The following RUSC2 variants were observed in gnomAD, a reference collection of about 807,000 sequenced individuals.
The protein encoded by RUSC2 is RUN and SH3 domain containing 2.
A neutral mutation model predicts 122.2 loss-of-function variants in RUSC2; 34 were observed. The ratio of observed to expected loss-of-function variants is 0.28; its 90% CI spans 0.21 to 0.37. The LOEUF is 0.37. Ranked by LOEUF, RUSC2 falls within the 10% of genes least tolerant of loss-of-function variation. RUSC2 has a pLI of 1.00. For missense variants in RUSC2, 1,747 were observed against 1,952.4 expected (o/e 0.89, Z 1.98); for synonymous variants, 784 against 790.0 (o/e 0.99, Z 0.13).
chr9:35,533,099 T>C (rs1008548226), intron 1 of RUSC2, among the ~76,000 whole-genome samples: 3 of 151,790 alleles, frequency 2.0e-5, no homozygotes, highest in African/African-American at 7.3e-5. Context: ...ATACAAAAAT[T>C]AGCCAAGCAT....
intron 1 of RUSC2, among the ~76,000 whole-genome samples, chr9:35,497,088 G>A (rs934968428): frequency 3.9e-4 from 59 of 152,116 alleles, no homozygotes; most frequent in African/African-American, 1.3e-3. Context: ...AAAGTTTGAC[G>A]ATCTGCACCT....
At chr9:35,508,136 C>T (rs1400440343) in intron 1 of RUSC2, among the ~76,000 whole-genome samples, 1 of 152,134 alleles carries the variant, frequency 6.6e-6, no homozygotes, top group Non-Finnish European at 1.5e-5. Flanking sequence ...AGGAAGCCAT[C>T]ATATGTGAGC....
At position 35,547,504 on chromosome 9, in the gene RUSC2, C is replaced by T; in HGVS notation, c.983C>T (p.Pro328Leu). ...TTCTATCTGGATCTGCAGCCCTCCC[C>T]ATTTGAGTCTAAGATGTCTTATGAG... ...GAFYLDLQPS[P>L]FESKMSYESH... Residue 328 changes from proline to leucine, a missense_variant, in exon 2 of 12, where the codon CCA (proline) becomes CTA (leucine). Coordinates refer to ENST00000361226, the MANE Select transcript of RUSC2 (RefSeq NM_014806.5). This position sits in a 1 kb window ranked among gnomAD's most constrained non-coding sequence, Gnocchi z 4.6. 1 of 1,614,142 alleles carries T rather than the reference C, an allele frequency of 6.2e-7. No homozygotes were observed. Among genetic ancestry groups the T allele is most frequent in the Non-Finnish European group, 8.5e-7 (1 of 1,180,042 alleles).
In RUSC2 at chr9:35,558,247, G is replaced by C; in HGVS notation, c.3111G>C (p.Leu1037=). The part of the protein sequence containing the change: ...SVSPNVGHLV[L]KYLCPAVRAV... Reference sequence around the variant, plus strand: ...GCCCCAATGTGGGCCACCTGGTTCTGAAGTACTTGTGCCCTGCCGTCCGCG... The same window carrying C: ...GCCCCAATGTGGGCCACCTGGTTCTCAAGTACTTGTGCCCTGCCGTCCGCG... Residue 1037 remains leucine (L), a synonymous_variant, in exon 7 of 12, where the codon CTG becomes CTC. Transcript: ENST00000361226. This position sits in a 1 kb window ranked among gnomAD's most constrained non-coding sequence, Gnocchi z 4.3. 1 of 1,614,130 alleles carries C rather than the reference G, an allele frequency of 6.2e-7. No homozygotes were observed. The highest frequency in any genetic ancestry group is 8.5e-7 in the Non-Finnish European group (1 of 1,180,046).
At chr9:35,494,030 G>C (rs1564239205) in intron 1 of RUSC2, among the ~76,000 whole-genome samples, 1 of 151,762 alleles carries the variant, frequency 6.6e-6, no homozygotes, top group Non-Finnish European at 1.5e-5. Flanking sequence ...TTATGTTTAT[G>C]TTTATTTATT....
At position 35,558,986 on chromosome 9, in the gene RUSC2, C is replaced by T. The variant is rs1822083644; in HGVS notation, c.3342-240C>T. Among the ~76,000 whole-genome samples the T allele has an allele frequency of 1.3e-5, 2 of 152,232 alleles. No individual in the cohort carries two copies. The highest frequency in any genetic ancestry group is 1.5e-5 in the Non-Finnish European group (1 of 68,046). On this transcript the variant is annotated intron_variant, in intron 8 of 11. Coordinates refer to ENST00000361226, the MANE Select transcript of RUSC2 (RefSeq NM_014806.5). The surrounding 1 kb of genome is among the most constrained non-coding windows in gnomAD (Gnocchi z 4.3). ...AGCTGCCTGTACTTTCACACAGTAGCTGCCTTGATTTCTTAGGTCTACTGC... is the reference window on the plus strand; with the variant it reads ...AGCTGCCTGTACTTTCACACAGTAGTTGCCTTGATTTCTTAGGTCTACTGC...
intron 1 of RUSC2, among the ~76,000 whole-genome samples, chr9:35,502,851 GTTTTTGT>G (rs1820841956): frequency 6.6e-6 from 1 of 151,672 alleles, no homozygotes. Flanking sequence ...AAGTTTTTTT[GTTTTTGT>G]TTTTTGTTTT....
intron 1 of RUSC2, chr9:35,538,893 C>G (rs760379276): frequency 6.6e-6 from 1 of 152,666 alleles, no homozygotes; most frequent in Non-Finnish European, 1.5e-5. Context: ...CCAGCAGCCG[C>G]GGCAGCAGCA....
chr9:35,527,220 C>G (rs531988374), intron 1 of RUSC2, among the ~76,000 whole-genome samples: 27 of 152,186 alleles, frequency 1.8e-4, no homozygotes, highest in South Asian at 1.0e-3. Context: ...TCACTTTAGC[C>G]TCAATCTCCC....
rs139662477 is a variant in RUSC2, at chr9:35,555,485, C to G, written c.2440C>G (p.Leu814Val). 12 of 1,614,216 alleles carry G rather than the reference C, an allele frequency of 7.4e-6. No homozygotes were observed. Among genetic ancestry groups the G allele is most frequent in the Non-Finnish European group, 9.3e-6 (11 of 1,180,036 alleles). Residue 814 changes from leucine to valine, a missense_variant, in exon 3 of 12, where the codon CTG becomes GTG. Transcript: ENST00000361226. This position sits in a 1 kb window ranked among gnomAD's most constrained non-coding sequence, Gnocchi z 4.6. ...AGAGCAGCCCACAGCCACAGAAAGC[C>G]TGCCCCCATGGAGCCACTCCTGTCC... is the stretch of plus-strand genomic sequence containing the variant. ...PPEQPTATES[L>V]PPWSHSCPSA...
At chr9:35,496,915 C>G (rs1269280531) in intron 1 of RUSC2, among the ~76,000 whole-genome samples, 2 of 152,182 alleles carry the variant, frequency 1.3e-5, no homozygotes, top group Non-Finnish European at 2.9e-5. Context: ...TTAAAATTGT[C>G]TTTATTGCTC....
chr9:35,539,062 A>G (rs1821589182), intron 1 of RUSC2: 1 of 152,252 alleles, frequency 6.6e-6, no homozygotes, highest in Admixed American at 6.6e-5. Flanking sequence ...GTCGGAGTGC[A>G]AAAGGGACAG....
chr9:35,516,723 C>T (rs1821116346), intron 1 of RUSC2, among the ~76,000 whole-genome samples: 1 of 152,248 alleles, frequency 6.6e-6, no homozygotes, highest in East Asian at 1.9e-4. Context: ...GGCAGGCCCA[C>T]CAGGGTCAGA....
In RUSC2 at chr9:35,547,694, G is replaced by A; in HGVS notation, c.1173G>A (p.Val391=). 6.2e-7 allele frequency: 1 copy of A among 1,614,066 alleles called. No homozygotes were observed. Among genetic ancestry groups the A allele is most frequent in the South Asian group, 1.1e-5 (1 of 91,080 alleles). ...TCCAAAGCCAGGCCCGTCTTGTTGT[G>A]GCCACACAAAATTACTATAAACTTG... is the stretch of plus-strand genomic sequence containing the variant. ...ACFQSQARLV[V]ATQNYYKLVT... Residue 391 remains valine (V), a synonymous_variant, in exon 2 of 12, where the codon GTG becomes GTA. Transcript: ENST00000361226. This position sits in a 1 kb window ranked among gnomAD's most constrained non-coding sequence, Gnocchi z 4.6.
At chr9:35,535,632 G>T (rs1407056023) in intron 1 of RUSC2, among the ~76,000 whole-genome samples, 1 of 149,032 alleles carries the variant, frequency 6.7e-6, no homozygotes, top group Admixed American at 6.8e-5. Flanking sequence ...TCTGCCTCCT[G>T]GGTTCACGCC....
Position 35,560,414 on chromosome 9 carries a change from G to A in RUSC2, c.3774G>A (p.Gly1258=), listed in dbSNP as rs762431718. 6.2e-7 allele frequency: 1 copy of A among 1,614,174 alleles called. No homozygotes were observed. Among genetic ancestry groups the A allele is most frequent in the Non-Finnish European group, 8.5e-7 (1 of 1,180,016 alleles). The change falls in exon 10 of 12, where the codon GGG becomes GGA. Residue 1258 remains glycine (G), a synonymous_variant. Coordinates refer to ENST00000361226, the MANE Select transcript of RUSC2 (RefSeq NM_014806.5). ...TGGCAGAGGCAGCCGGGGGCTCAGG[G>A]CGTGCCAGGTGGGCCCGAGGTGGGC... The part of the protein sequence containing the change: ...EEVAEAAGGS[G]RARWARGGQA...
At chr9:35,530,113 A>C (rs943338786) in intron 1 of RUSC2, among the ~76,000 whole-genome samples, 2 of 152,080 alleles carry the variant, frequency 1.3e-5, no homozygotes, top group African/African-American at 4.8e-5. Flanking sequence ...CAGCACACCC[A>C]GCTAATTTTT....
At chr9:35,521,910 G>A (rs1821223241) in intron 1 of RUSC2, among the ~76,000 whole-genome samples, 1 of 151,444 alleles carries the variant, frequency 6.6e-6, no homozygotes, top group South Asian at 2.1e-4. Context: ...CTGGGCATTG[G>A]CTGCTATTCC....
chr9:35,545,370 C>T (rs1040640786), intron 1 of RUSC2, among the ~76,000 whole-genome samples: 3 of 152,178 alleles, frequency 2.0e-5, no homozygotes, highest in Admixed American at 2.0e-4. Flanking sequence ...AAGACTGTTG[C>T]GACCTGAACG....
Sources: gnomAD v4.1 joint callset for allele counts (sites outside exome capture counted in the v4.1 genomes callset) on GRCh38, gnomAD v4.1.1 for gene constraint, Gnocchi (gnomAD v3.1) non-coding constraint, MANE v1.5 for transcripts, NCBI Gene and HGNC (gene_info 2026-07-23, HGNC 2026-07-21) for gene names.